USO1: variants seen among roughly 807,000 people sequenced by gnomAD.
USO1 encodes the protein general vesicular transport factor p115.
Under a neutral mutation model 124.5 loss-of-function variants are expected in USO1, and 57 were observed. That is an observed-to-expected ratio of 0.46 (90% CI 0.37 to 0.57). The LOEUF is 0.57. USO1 is among the 20% of genes least tolerant of loss of function. USO1 has a pLI of 0.00. For synonymous variants in USO1, 369 were observed against 362.8 expected, an observed-to-expected ratio of 1.02 and a Z score of -0.19; for missense variants, 900 against 1,040.6, an observed-to-expected ratio of 0.86 and a Z score of 1.86.
rs1044538192 is a variant in USO1 at position 75,810,549 on chromosome 4, T to G, written c.2583+10T>G. ...GACCAAAGAGTTAAAGGTTTGTTTT[T>G]GGTGCAACTTTTATTTACTGCATAT... On this transcript the variant is annotated intron_variant, in intron 22 of 23. Coordinates refer to ENST00000514213, the MANE Select transcript of USO1 (RefSeq NM_003715.4). 6.3e-7 allele frequency: 1 copy of G among 1,595,204 alleles called. No homozygotes were observed. The highest frequency in any genetic ancestry group is 1.2e-5 in the South Asian group (1 of 86,202).
intron 1 of USO1, among the ~76,000 whole-genome samples, chr4:75,747,057 T>A (rs1017348688): frequency 2.0e-5 from 3 of 152,232 alleles, no homozygotes; most frequent in Admixed American, 6.5e-5. Context: ...TTTCATTTAA[T>A]ATCTAAGACA....
At position 75,804,202 on chromosome 4, in the gene USO1, G is replaced by A. The variant is rs767190481; in HGVS notation, c.2055G>A (p.Thr685=). 8.1e-6 allele frequency: 13 copies of A among 1,613,494 alleles called. No individual in the cohort carries two copies. The highest frequency in any genetic ancestry group is 4.5e-5 in the East Asian group (2 of 44,828). ...AATGTCAAAATGAACAGCTCCAGACGGCAGTCACACAGCAAGTATCACAGA... is the reference window on the plus strand; with the variant it reads ...AATGTCAAAATGAACAGCTCCAGACAGCAGTCACACAGCAAGTATCACAGA... The part of the protein sequence containing the change: ...TLKCQNEQLQ[T]AVTQQVSQIQ... The change falls in exon 18 of 24, where the codon ACG becomes ACA. Residue 685 remains threonine (T), a synonymous_variant. Coordinates refer to ENST00000514213, the MANE Select transcript of USO1 (RefSeq NM_003715.4).
At chr4:75,773,711 A>G (rs972367249) in intron 7 of USO1, among the ~76,000 whole-genome samples, 2 of 152,218 alleles carry the variant, frequency 1.3e-5, no homozygotes, top group African/African-American at 4.8e-5. Flanking sequence ...ACATCCAAAA[A>G]TAACTGTTTT....
At chr4:75,747,800 A>G (rs1721170538) in intron 1 of USO1, among the ~76,000 whole-genome samples, 1 of 147,600 alleles carries the variant, frequency 6.8e-6, no homozygotes, top group South Asian at 2.1e-4. Flanking sequence ...TTTTTTTAGT[A>G]GAGATGGGGT....
At chr4:75,766,611 GGATGATGATTTTGATGATGGT>G (rs1721776179) in intron 4 of USO1, among the ~76,000 whole-genome samples, 1 of 152,280 alleles carries the variant, frequency 6.6e-6, no homozygotes, top group African/African-American at 2.4e-5. Flanking sequence ...CCTGTCTTGG[GGATGATGATTTTGATGATGGT>G]GATGATGACA....
chr4:75,781,095 T>A (rs1577957587), intron 8 of USO1, among the ~76,000 whole-genome samples: 1 of 152,146 alleles, frequency 6.6e-6, no homozygotes, highest in African/African-American at 2.4e-5. Context: ...AGAACATTTG[T>A]AATTCATGGG....
chr4:75,769,387 C>T (rs1416842937), intron 4 of USO1, among the ~76,000 whole-genome samples: 1 of 152,156 alleles, frequency 6.6e-6, no homozygotes, highest in Non-Finnish European at 1.5e-5. Flanking sequence ...TTCATTTCTA[C>T]TTTTGGTCTC....
chr4:75,749,943 CAG>C (rs1354808153), intron 1 of USO1, among the ~76,000 whole-genome samples: 1 of 151,980 alleles, frequency 6.6e-6, no homozygotes, highest in African/African-American at 2.4e-5. Context: ...TTAGTAGAGA[CAG>C]GGTTTCATCA....
intron 1 of USO1, among the ~76,000 whole-genome samples, chr4:75,742,559 G>C (rs1720994604): frequency 6.6e-6 from 1 of 152,196 alleles, no homozygotes; most frequent in Admixed American, 6.5e-5. Flanking sequence ...GTGTTATTCA[G>C]ATGGTGAAAT....
intron 9 of USO1, among the ~76,000 whole-genome samples, chr4:75,785,851 A>G (rs1722346937): frequency 2.0e-5 from 3 of 152,174 alleles, no homozygotes; most frequent in African/African-American, 7.2e-5. Context: ...ATACTCAAAA[A>G]AAGAAGGAAA....
In USO1 at chr4:75,732,833, C is replaced by T. The variant is rs574394992; in HGVS notation, c.66+7948C>T. 5.0e-5 allele frequency among the ~76,000 whole-genome samples: 7 copies of T among 139,626 alleles called. No individual in the cohort carries two copies. The East Asian group carries it at 6.4e-4, about 13-fold the overall frequency. The allele number at this position is 139,626 out of a possible 152,430, so 91.6% of individuals were successfully genotyped here. A position where few individuals can be genotyped will look rare whatever the true frequency, so the allele number is the denominator to read the frequency against. On this transcript the variant is annotated intron_variant, in intron 1 of 23. Transcript: ENST00000514213. ...GTTGGAGGTTGCAGTGAGCCAAGAT[C>T]GCGCCACTGCACTCCAGCCTGGCGA... is the stretch of plus-strand genomic sequence containing the variant.
At chr4:75,736,324 TTTTTTTTTTTTG>T (rs1720790315) in intron 1 of USO1, among the ~76,000 whole-genome samples, 1 of 142,940 alleles carries the variant, frequency 7.0e-6, no homozygotes, top group Non-Finnish European at 1.5e-5. Flanking sequence ...TTTTTTTTTT[TTTTTTTTTTTTG>T]AGGCAAAGCC....
intron 4 of USO1, among the ~76,000 whole-genome samples, chr4:75,766,157 G>T (rs1721764153): frequency 1.3e-5 from 2 of 152,106 alleles, no homozygotes; most frequent in South Asian, 4.1e-4. Context: ...TAACTTTTAT[G>T]AGAAAGAGAG....
chr4:75,763,774 A>G (rs1362178270), intron 4 of USO1, among the ~76,000 whole-genome samples: 1 of 152,178 alleles, frequency 6.6e-6, no homozygotes, highest in Non-Finnish European at 1.5e-5. Flanking sequence ...GTTGTAATCT[A>G]ATGATTAATG....
intron 12 of USO1, among the ~76,000 whole-genome samples, chr4:75,792,637 C>T (rs1309549644): frequency 6.6e-6 from 1 of 152,052 alleles, no homozygotes; most frequent in Admixed American, 6.6e-5. Flanking sequence ...GTCGAGGCTG[C>T]AGTGAACTGA....
At chr4:75,756,774 A>G (rs1359403666) in intron 3 of USO1, among the ~76,000 whole-genome samples, 1 of 151,976 alleles carries the variant, frequency 6.6e-6, no homozygotes, top group Non-Finnish European at 1.5e-5. Flanking sequence ...CAGCCTCCCA[A>G]AGTGCTGGGA....
At chr4:75,747,602 CTTTTTTTTT>C (rs59636038) in intron 1 of USO1, among the ~76,000 whole-genome samples, 1 of 83,692 alleles carries the variant, frequency 1.2e-5, no homozygotes, top group African/African-American at 5.5e-5. Flanking sequence ...TCACCTTTGA[CTTTTTTTTT>C]TTTTTTTTTT....
chr4:75,810,444 G>A lies in USO1; in HGVS notation c.2488G>A (p.Glu830Lys), dbSNP rs374182174. ...QKTEAFAKSV[E>K]VQGETETIIA... ...TTTCTAATTTCAGGCAAAATCAGTT[G>A]AGGTACAAGGAGAGACCGAGACTAT... is the stretch of plus-strand genomic sequence containing the variant. The change falls in exon 22 of 24, where the codon GAG becomes AAG. Residue 830 changes from glutamate to lysine, a missense_variant. This residue lies in a region of USO1 where 362 missense variants were observed against 359.0 expected (regional missense o/e 1.01). Transcript: ENST00000514213. The A allele has an allele frequency of 1.5e-4, 240 of 1,606,478 alleles. No individual in the cohort carries two copies. Among genetic ancestry groups the A allele is most frequent in the Non-Finnish European group, 2.0e-4 (235 of 1,177,728 alleles).
intron 8 of USO1, among the ~76,000 whole-genome samples, chr4:75,779,934 A>G (rs1722171866): frequency 6.6e-6 from 1 of 152,186 alleles, no homozygotes; most frequent in East Asian, 1.9e-4. Context: ...GGACAAGCTG[A>G]CTCTCTTGTT....
Sources: allele counts gnomAD v4.1 joint callset (sites outside exome capture counted in the v4.1 genomes callset), GRCh38; gene constraint gnomAD v4.1.1; regional missense constraint gnomAD v4.1.1; transcripts MANE v1.5; gene names NCBI Gene and HGNC (gene_info 2026-07-23, HGNC 2026-07-21).